ZNF143: variants seen among roughly 807,000 people sequenced by gnomAD.
ZNF143 encodes the protein zinc finger protein 143.
In ZNF143, 49 loss-of-function variants were observed where a neutral mutation model predicts 74.1. That is an observed-to-expected ratio of 0.66 (90% CI 0.53 to 0.84). The LOEUF is 0.84. Among genes scored for constraint, ZNF143 ranks in the 40% least tolerant of loss-of-function variants. ZNF143 has a pLI of 0.00. For synonymous variants in ZNF143, 304 were observed against 282.8 expected (o/e 1.07, Z -0.75); for missense variants, 637 against 793.4 (o/e 0.80, Z 2.37).
intron 13 of ZNF143, 92 bp from the exon 14 acceptor site, chr11:9,516,109 A>T (rs1848713236): frequency 8.1e-7 from 1 of 1,239,024 alleles, no homozygotes; most frequent in African/African-American, 1.5e-5. Flanking sequence ...TCCACAGGGC[A>T]AACTTATACA....
intron 1 of ZNF143, among the ~76,000 whole-genome samples, chr11:9,462,221 A>G (rs989960881): frequency 6.6e-6 from 1 of 150,792 alleles, no homozygotes; most frequent in African/African-American, 2.4e-5. Flanking sequence ...CTATTTGGAA[A>G]TTCTATGAGC....
chr11:9,476,721 T>C (rs1856914617), intron 5 of ZNF143, among the ~76,000 whole-genome samples: 2 of 150,266 alleles, frequency 1.3e-5, no homozygotes, highest in South Asian at 4.2e-4. Context: ...AAAGGCTGTT[T>C]TGTTGTGAAG....
At chr11:9,471,132 A>G (rs1186239250) in intron 1 of ZNF143, 170 bp from the exon 2 acceptor site, 4 of 454,340 alleles carry the variant, frequency 8.8e-6, no homozygotes, top group Non-Finnish European at 1.5e-5. Context: ...TATAAGAAGC[A>G]TGCCTTGGAC....
intron 1 of ZNF143, among the ~76,000 whole-genome samples, chr11:9,468,861 C>T (rs1013698803): frequency 7.2e-5 from 11 of 151,916 alleles, no homozygotes; most frequent in Non-Finnish European, 1.5e-4. Context: ...TTTCTGGGCA[C>T]GGTGGCTCAC....
intron 7 of ZNF143, among the ~76,000 whole-genome samples, chr11:9,482,177 A>T (rs1191628998): frequency 1.3e-5 from 2 of 148,530 alleles, no homozygotes; most frequent in Non-Finnish European, 3.0e-5. Flanking sequence ...TCACCATGTT[A>T]GCCAGGATGG....
rs373554098 is a variant in ZNF143 at position 9,508,764 on chromosome 11, G to C, written c.1293G>C (p.Thr431=). ...HCGKTYKQIS[T]LAMHKRTAHN... ...GGAAGACATACAAGCAGATCTCCAC[G>C]CTGGCCATGCACAAACGGACAGCCC... is the stretch of plus-strand genomic sequence containing the variant. The change falls in exon 12 of 16, where the codon ACG becomes ACC. Residue 431 remains threonine, a synonymous_variant. Coordinates refer to ENST00000396602, the MANE Select transcript of ZNF143 (RefSeq NM_003442.6). 5 of 1,612,656 alleles carry C rather than the reference G, an allele frequency of 3.1e-6. No homozygotes were observed. The highest frequency in any genetic ancestry group is 1.7e-5 in the Admixed American group (1 of 59,768).
At position 9,527,744 on chromosome 11, in the gene ZNF143, G is replaced by A; in HGVS notation, c.*131G>A. 3 of 737,090 alleles carry A rather than the reference G, an allele frequency of 4.1e-6. No individual in the cohort carries two copies. Among genetic ancestry groups the A allele is most frequent in the African/African-American group, 1.8e-5 (1 of 56,530 alleles). The allele number at this position is 737,090 out of a possible 1,614,324, so 45.7% of individuals were successfully genotyped here. A position where few individuals can be genotyped will look rare whatever the true frequency, so the allele number is the denominator to read the frequency against. ...ACACTGTACACATTTTTATGCGAGA[G>A]TGGAGAACATTTTATTCTTGACACT... On this transcript the variant is annotated 3_prime_UTR_variant, in exon 16 of 16. Coordinates refer to ENST00000396602, the MANE Select transcript of ZNF143 (RefSeq NM_003442.6).
chr11:9,508,801 GAGC>G lies in ZNF143; in HGVS notation c.1331_1333del (p.Glu444_Pro445delinsAla). 1 of 1,606,666 alleles carries G rather than the reference GAGC, an allele frequency of 6.2e-7. No individual in the cohort carries two copies. The stretch of plus-strand genomic sequence containing the variant: ...CAAACGGACAGCCCACAACGACACT[GAGC>G]CCATCGAGGAGGAGCAGGAAGCCTT... On this transcript the variant is annotated inframe_deletion, in exon 12 of 16. Coordinates refer to ENST00000396602, the MANE Select transcript of ZNF143 (RefSeq NM_003442.6).
At chr11:9,462,002 C>T (rs1855890133) in intron 1 of ZNF143, 1 of 152,126 alleles carries the variant, frequency 6.6e-6, no homozygotes, top group Non-Finnish European at 1.5e-5. Flanking sequence ...TGAATCTTAC[C>T]AGAAGATACT....
intron 7 of ZNF143, 103 bp downstream of exon 7, chr11:9,479,649 C>T (rs968131182): frequency 1.1e-6 from 1 of 878,046 alleles, no homozygotes; most frequent in South Asian, 1.6e-5. Flanking sequence ...CTAGGAAAAT[C>T]TCACCAGTTC....
At chr11:9,525,161 A>G (rs1274721137) in intron 14 of ZNF143, 79 bp from the exon 15 acceptor site, 2 of 1,523,714 alleles carry the variant, frequency 1.3e-6, no homozygotes, top group Non-Finnish European at 1.8e-6. Flanking sequence ...GAAGAAATCC[A>G]TTGTATTAAG....
At chr11:9,501,354 C>A in intron 11 of ZNF143, 84 bp downstream of exon 11, 1 of 1,463,292 alleles carries the variant, frequency 6.8e-7, no homozygotes, top group South Asian at 1.3e-5. Flanking sequence ...TCCAACTAAT[C>A]TCTTCCCTCC....
Position 9,471,357 on chromosome 11 carries a change from C to G in ZNF143, c.49C>G (p.Pro17Ala), listed in dbSNP as rs987811163. 9.3e-6 allele frequency: 15 copies of G among 1,612,398 alleles called. No individual in the cohort carries two copies. Among genetic ancestry groups the G allele is most frequent in the African/African-American group, 1.3e-5 (1 of 74,898 alleles). Reference protein sequence around the residue: ...NRDSQGMTEFPGGGMEAQHVT... With the variant: ...NRDSQGMTEFAGGGMEAQHVT... ...AGATTCTCAGGGAATGACAGAGTTT[C>G]CTGGAGGAGGGATGGAGGCGCAACA... Residue 17 changes from proline to alanine, a missense_variant, in exon 2 of 16, where the codon CCT becomes GCT. By Grantham distance (27) the Pro-to-Ala change is conservative. Around this residue, in one of 2 missense-constraint regions of ZNF143, gnomAD observed 293 missense variants for 307.8 expected, o/e 0.95. Transcript: ENST00000396602.
intron 7 of ZNF143, among the ~76,000 whole-genome samples, chr11:9,491,637 C>CA (rs879318585): frequency 5.2e-4 from 71 of 137,632 alleles, no homozygotes; most frequent in East Asian, 8.6e-4. Context: ...GACTCCGTCT[C>CA]AAAAAAAAAA....
chr11:9,491,410 G>C (rs1194137468), intron 7 of ZNF143, among the ~76,000 whole-genome samples: 3 of 152,018 alleles, frequency 2.0e-5, no homozygotes, highest in African/African-American at 7.2e-5. Flanking sequence ...GCCGAGGCAG[G>C]CGGATCACGA....
intron 7 of ZNF143, among the ~76,000 whole-genome samples, chr11:9,486,438 T>TTATATATATATAA (rs1488225830): frequency 2.3e-5 from 1 of 42,622 alleles, no homozygotes; most frequent in African/African-American, 7.9e-5. Context: ...ATTATATATA[T>TTATATATATATAA]AATATATTAT....
At chr11:9,490,301 T>G (rs1351623998) in intron 7 of ZNF143, among the ~76,000 whole-genome samples, 1 of 148,122 alleles carries the variant, frequency 6.8e-6, no homozygotes, top group Non-Finnish European at 1.5e-5. Context: ...TTGCTTTTTT[T>G]TTTTTTTGAG....
At chr11:9,480,690 A>T (rs1847198782) in intron 7 of ZNF143, among the ~76,000 whole-genome samples, 1 of 152,082 alleles carries the variant, frequency 6.6e-6, no homozygotes, top group African/African-American at 2.4e-5. Context: ...GTTTGAGACC[A>T]ACTTGGCCAA....
At chr11:9,478,355 C>T (rs539456252) in intron 5 of ZNF143, 35 bp from the exon 6 acceptor site, 1 of 1,585,940 alleles carries the variant, frequency 6.3e-7, no homozygotes, top group Non-Finnish European at 8.6e-7. Context: ...CAGATTTTAC[C>T]TTTAATTTAA....
Sources: allele counts gnomAD v4.1 joint callset (sites outside exome capture counted in the v4.1 genomes callset), GRCh38; gene constraint gnomAD v4.1.1; regional missense constraint gnomAD v4.1.1; transcripts MANE v1.5; gene names NCBI Gene and HGNC (gene_info 2026-07-23, HGNC 2026-07-21).